The following PDE4C variants were observed in gnomAD, a reference collection of about 807,000 sequenced individuals.
PDE4C encodes the protein 3',5'-cyclic-AMP phosphodiesterase 4C.
A neutral mutation model predicts 63.9 loss-of-function variants in PDE4C; 50 were observed. That is an observed-to-expected ratio of 0.78 (90% confidence interval 0.62 to 0.99). The LOEUF (loss-of-function observed/expected upper bound fraction) is 0.99. Ranked by LOEUF, PDE4C falls within the 50% of genes least tolerant of loss-of-function variation. The pLI, the probability that PDE4C is intolerant of heterozygous loss-of-function variation, is 0.00. For synonymous variants in PDE4C, 377 were observed against 385.1 expected (o/e 0.98, Z 0.25); for missense variants, 777 against 899.1 (o/e 0.86, Z 1.74).
At chr19:18,251,099 A>G (rs550271682), upstream of PDE4C, among the ~76,000 whole-genome samples, 94 of 148,202 alleles carry the variant, frequency 6.3e-4, no homozygotes, top group African/African-American at 2.3e-3. Context: ...TTATTTAATC[A>G]ATTACTTTAT....
At chr19:18,241,493 T>G (rs987881801) in intron 1 of PDE4C, among the ~76,000 whole-genome samples, 2 of 152,012 alleles carry the variant, frequency 1.3e-5, no homozygotes, top group Non-Finnish European at 2.9e-5. Context: ...GGTCTCGATC[T>G]CCTGACCTCA....
exon 2 of PDE4C, chr19:18,222,303 A>T (rs1401694596): frequency 6.2e-7 from 1 of 1,610,692 alleles, no homozygotes; most frequent in Admixed American, 1.7e-5. Flanking sequence ...CCCACACGAG[A>T]GCCCATTTTC....
At chr19:18,213,343 C>T in intron 13 of PDE4C, 25 bp downstream of exon 13, 2 of 1,599,346 alleles carry the variant, frequency 1.3e-6, no homozygotes. Context: ...AAAAAGGAAG[C>T]CCCAGTGCCC....
chr19:18,248,248 G>T (rs1969166786), upstream of PDE4C: 1 of 455,940 alleles, frequency 2.2e-6, no homozygotes, highest in Non-Finnish European at 4.4e-6. Flanking sequence ...ACCTGACCAA[G>T]AGGGAGGCCC....
At chr19:18,238,627 G>A (rs1968991502), upstream of PDE4C, among the ~76,000 whole-genome samples, 2 of 151,854 alleles carry the variant, frequency 1.3e-5, no homozygotes, top group Admixed American at 6.6e-5. Flanking sequence ...TTATTATAAT[G>A]CTATGCACCA....
chr19:18,218,010 G>T, intron 11 of PDE4C, 139 bp downstream of exon 11: 1 of 677,754 alleles, frequency 1.5e-6, no homozygotes, highest in East Asian at 2.6e-5. Flanking sequence ...GACCCTGAAG[G>T]GAGGGAAAAC....
At chr19:18,217,315 C>G (rs1968241996) in intron 11 of PDE4C, 1 of 156,036 alleles carries the variant, frequency 6.4e-6, no homozygotes, top group African/African-American at 2.4e-5. Context: ...CAGGTGTGTG[C>G]CACCACCCTT....
upstream of PDE4C, among the ~76,000 whole-genome samples, chr19:18,228,859 C>T (rs1478621690): frequency 6.6e-6 from 1 of 152,186 alleles, no homozygotes; most frequent in Non-Finnish European, 1.5e-5. Flanking sequence ...GACTCCATCC[C>T]TGCATTACTG....
intron 11 of PDE4C, 132 bp from the exon 12 acceptor site, chr19:18,217,027 A>G: frequency 1.0e-6 from 1 of 992,304 alleles, no homozygotes; most frequent in Non-Finnish European, 1.4e-6. Flanking sequence ...CCCTCCTGTA[A>G]GAAACCATCC....
upstream of PDE4C, among the ~76,000 whole-genome samples, chr19:18,229,398 G>A (rs1205446933): frequency 4.0e-5 from 6 of 151,734 alleles, no homozygotes; most frequent in Non-Finnish European, 8.8e-5. Context: ...CTGCCACCAC[G>A]CCCAACTAAT....
At chr19:18,222,677 CTCTCTCTCTCG>C in intron 1 of PDE4C, among the ~76,000 whole-genome samples, 6 of 112,498 alleles carry the variant, frequency 5.3e-5, no homozygotes, top group Non-Finnish European at 7.7e-5. Flanking sequence ...CTCTCTCTCT[CTCTCTCTCTCG>C]CCCTTTCTTT....
upstream of PDE4C, among the ~76,000 whole-genome samples, chr19:18,248,701 G>A (rs1231113484): frequency 6.6e-6 from 1 of 152,042 alleles, no homozygotes; most frequent in African/African-American, 2.4e-5. Context: ...TGCCCGCTGT[G>A]CTGTGCCGCC....
At chr19:18,233,569 A>G (rs1409797582) in exon 1 of PDE4C, 3 of 505,260 alleles carry the variant, frequency 5.9e-6, no homozygotes, top group Non-Finnish European at 1.2e-5. Flanking sequence ...GAAATTGTCC[A>G]CTGATCGCTG....
At chr19:18,228,148 G>A (rs367772770), upstream of PDE4C, among the ~76,000 whole-genome samples, 11 of 152,014 alleles carry the variant, frequency 7.2e-5, no homozygotes, top group Admixed American at 3.3e-4. Context: ...TGGGGACACT[G>A]GAGCCAAGGT....
At chr19:18,252,350 A>G, upstream of PDE4C, 1 of 398,996 alleles carries the variant, frequency 2.5e-6, no homozygotes, top group Non-Finnish European at 4.4e-6. Flanking sequence ...CTGTCTCCAA[A>G]CTCATGGTGC....
chr19:18,221,052 G>GCCAGGGCCCCCCCCCCCCC, intron 4 of PDE4C, 53 bp downstream of exon 4: 1 of 1,245,312 alleles, frequency 8.0e-7, no homozygotes, highest in Non-Finnish European at 1.1e-6. Context: ...CCCGCTTTCC[G>GCCAGGGCCCCCCCCCCCCC]CCCACCTTGT....
In PDE4C at chr19:18,218,996, C is replaced by T. The variant is rs1968339808; in HGVS notation, c.913G>A (p.Val305Met). The T allele has an allele frequency of 6.2e-7, 1 of 1,613,536 alleles. No homozygotes were observed. Reference sequence around the variant, plus strand: ...GGCCGGTTCCCACTTAGCTCCGCCACCTTGAACACATCAAGTCCCCACTTG... The same window carrying T: ...GGCCGGTTCCCACTTAGCTCCGCCATCTTGAACACATCAAGTCCCCACTTG... Residue 305 changes from valine (V) to methionine (M), a missense_variant, in exon 9 of 15, where the codon GTG (valine) becomes ATG (methionine). Coordinates refer to ENST00000262805, the Ensembl canonical transcript of PDE4C.
Position 18,243,514 on chromosome 19 carries a change from A to G in PDE4C, c.-210+4657T>C, listed in dbSNP as rs373829758. ...TTACTTGCATGGGGAAAATTGGGGG[A>G]AGCACCAGGCTTTGGGTGGGTTCCA... On this transcript the variant is annotated intron_variant, in intron 1 of 15. Transcript: ENST00000594617. Among the ~76,000 whole-genome samples the G allele has an allele frequency of 2.1e-5, 3 of 145,578 alleles. No homozygotes were observed. The Admixed American group carries it at 2.1e-4, about 10-fold the overall frequency.
chr19:18,241,864 C>T (rs542532678), intron 1 of PDE4C, among the ~76,000 whole-genome samples: 69 of 152,248 alleles, frequency 4.5e-4, no homozygotes, highest in African/African-American at 1.6e-3. Flanking sequence ...TGCCCATTTT[C>T]CTGCTGGGAA....
Sources: allele counts gnomAD v4.1 joint callset (sites outside exome capture counted in the v4.1 genomes callset), GRCh38; gene constraint gnomAD v4.1.1; transcripts MANE v1.5; gene names NCBI Gene and HGNC (gene_info 2026-07-23, HGNC 2026-07-21).